GALNT16: variants seen among roughly 807,000 people sequenced by gnomAD.
GALNT16 encodes the protein polypeptide N-acetylgalactosaminyltransferase 16.
GALNT16 carries 40 observed loss-of-function variants against 76.1 expected under a neutral mutation model. That is an observed-to-expected ratio of 0.53 (90% CI 0.41 to 0.68). The LOEUF is 0.68. GALNT16 is among the 30% of genes least tolerant of loss of function. GALNT16 has a pLI of 0.00. For missense variants in GALNT16, 621 were observed against 731.9 expected (o/e 0.85, Z 1.75); for synonymous variants, 276 against 285.2 (o/e 0.97, Z 0.32).
intron 1 of GALNT16, among the ~76,000 whole-genome samples, chr14:69,264,575 G>T (rs1484926848): frequency 6.6e-6 from 1 of 152,076 alleles, no homozygotes; most frequent in Non-Finnish European, 1.5e-5. Flanking sequence ...GAGAGCGGAT[G>T]CTTTAATAAG....
the GALNT16 span, among the ~76,000 whole-genome samples, chr14:69,377,265 T>C: frequency 6.6e-6 from 1 of 152,210 alleles, no homozygotes; most frequent in Non-Finnish European, 1.5e-5. Context: ...CCCTTCAAGG[T>C]CTTTGAGGTT....
chr14:69,347,304 C>CAGGGTCT, intron 13 of GALNT16, 123 bp downstream of exon 13: 3 of 1,017,510 alleles, frequency 2.9e-6, no homozygotes, highest in Non-Finnish European at 4.2e-6. Flanking sequence ...CCCACTTTGC[C>CAGGGTCT]AGGGGCCCCT....
intron 1 of GALNT16, among the ~76,000 whole-genome samples, chr14:69,314,859 G>A (rs1315013070): frequency 6.6e-6 from 1 of 152,178 alleles, no homozygotes; most frequent in Non-Finnish European, 1.5e-5. Flanking sequence ...CCATAAAATA[G>A]GGCCAGAGCC....
chr14:69,269,598 A>ATGTATGTGTGTTATATGTTG (rs1243431048), intron 1 of GALNT16, among the ~76,000 whole-genome samples: 1 of 118,886 alleles, frequency 8.4e-6, no homozygotes, highest in Non-Finnish European at 1.7e-5. Context: ...TGGGGTTTGT[A>ATGTATGTGTGTTATATGTTG]TGTATGTGTG....
At chr14:69,372,921 T>C in the GALNT16 span, among the ~76,000 whole-genome samples, 2 of 152,158 alleles carry the variant, frequency 1.3e-5, no homozygotes, top group African/African-American at 2.4e-5. Flanking sequence ...CAACCTCCCA[T>C]TGGGATTTGC....
chr14:69,326,047 G>C lies in GALNT16; in HGVS notation c.568+20G>C, dbSNP rs1566881501. Reference sequence around the variant, plus strand: ...GGGAAGGTGAGTCCTTGCACCCTGGGTCCCACCAAGGGCCCATCTTGGTGT... The same window carrying C: ...GGGAAGGTGAGTCCTTGCACCCTGGCTCCCACCAAGGGCCCATCTTGGTGT... On this transcript the variant is annotated intron_variant, in intron 5 of 14. Coordinates refer to ENST00000448469, the MANE Select transcript of GALNT16 (RefSeq NM_001168368.2). 1 of 1,600,228 alleles carries C rather than the reference G, an allele frequency of 6.2e-7. No homozygotes were observed.
intron 1 of GALNT16, among the ~76,000 whole-genome samples, chr14:69,266,025 G>A (rs1448421512): frequency 1.3e-5 from 2 of 152,110 alleles, no homozygotes; most frequent in Admixed American, 6.5e-5. Context: ...GTTCTCATAC[G>A]AGTAAACACG....
the GALNT16 span, among the ~76,000 whole-genome samples, chr14:69,369,326 A>T: frequency 6.6e-6 from 1 of 152,248 alleles, no homozygotes; most frequent in South Asian, 2.1e-4. Context: ...GGAAATGAAT[A>T]ATTAAATAAA....
At position 69,347,082 on chromosome 14, in the gene GALNT16, G is replaced by A. The variant is rs1566890185; in HGVS notation, c.1314G>A (p.Gly438=). The stretch of plus-strand genomic sequence containing the variant: ...CACTCCCCGGCATCATTAAGCAGGG[G>A]GTGAACTGCTTAGAATCTCAGGGCC... ...KEALPGIIKQ[G]VNCLESQGQN... Residue 438 remains glycine (G), a synonymous_variant, in exon 13 of 15, where the codon GGG becomes GGA. Coordinates refer to ENST00000448469, the MANE Select transcript of GALNT16 (RefSeq NM_001168368.2). 1 of 1,613,768 alleles carries A rather than the reference G, an allele frequency of 6.2e-7. No homozygotes were observed. Among genetic ancestry groups the A allele is most frequent in the Non-Finnish European group, 8.5e-7 (1 of 1,179,686 alleles).
intron 12 of GALNT16, among the ~76,000 whole-genome samples, chr14:69,343,154 A>G (rs1372341145): frequency 6.6e-6 from 1 of 152,198 alleles, no homozygotes; most frequent in African/African-American, 2.4e-5. Flanking sequence ...TGCGCCCTCT[A>G]TAGCTGTCAC....
rs146058164 is a variant in GALNT16, at chr14:69,261,065, G to C, written c.177+598G>C. 2.0e-5 allele frequency among the ~76,000 whole-genome samples: 3 copies of C among 152,210 alleles called. No individual in the cohort carries two copies. Among genetic ancestry groups the C allele is most frequent in the Non-Finnish European group, 2.9e-5 (2 of 68,028 alleles). The stretch of plus-strand genomic sequence containing the variant: ...GTTCTCTGGGTTGAGGAGAGGTCTC[G>C]CACTGTACGCGTCTCTCACTCCCAA... On this transcript the variant is annotated intron_variant, in intron 1 of 14. Transcript: ENST00000448469. The surrounding 1 kb of genome is among the most constrained non-coding windows in gnomAD (Gnocchi z 6.4).
At chr14:69,307,728 T>C (rs1006671496) in intron 1 of GALNT16, among the ~76,000 whole-genome samples, 13 of 152,184 alleles carry the variant, frequency 8.5e-5, no homozygotes, top group African/African-American at 3.1e-4. Flanking sequence ...AGTTAAGCAC[T>C]CACATCAGGA....
chr14:69,300,583 G>C (rs1023394888), intron 1 of GALNT16, among the ~76,000 whole-genome samples: 1 of 152,210 alleles, frequency 6.6e-6, no homozygotes, highest in Non-Finnish European at 1.5e-5. Flanking sequence ...GTCATCTGCA[G>C]AATCTTCCAT....
In GALNT16 at chr14:69,331,561, G is replaced by A. The variant is rs1364486274; in HGVS notation, c.778+10G>A. 3.9e-6 allele frequency: 6 copies of A among 1,525,906 alleles called. No homozygotes were observed. Among genetic ancestry groups the A allele is most frequent in the Non-Finnish European group, 4.5e-6 (5 of 1,099,612 alleles). The allele number at this position is 1,525,906 out of a possible 1,614,324, so 94.5% of individuals were successfully genotyped here. On this transcript the variant is annotated intron_variant, in intron 7 of 14. Transcript: ENST00000448469. Reference sequence around the variant, plus strand: ...GCTGACCTTCGTGGAGGTGAGTTCTGCTCCCGGGGGTGGGGCTGTAGACAT... The same window carrying A: ...GCTGACCTTCGTGGAGGTGAGTTCTACTCCCGGGGGTGGGGCTGTAGACAT...
intron 1 of GALNT16, among the ~76,000 whole-genome samples, chr14:69,279,485 G>A (rs186993184): frequency 4.3e-4 from 66 of 152,248 alleles, no homozygotes; most frequent in African/African-American, 1.4e-3. Context: ...TTCAATAAAT[G>A]TTATGTAGAT....
intron 1 of GALNT16, among the ~76,000 whole-genome samples, chr14:69,291,545 T>A (rs867402): frequency 0.16 from 24,347 of 152,056 alleles, 2,824 homozygotes; most frequent in East Asian, 0.49. Flanking sequence ...GGCACCTTCT[T>A]CCACAGACAT....
At chr14:69,273,504 T>C (rs1330498189) in intron 1 of GALNT16, among the ~76,000 whole-genome samples, 1 of 152,202 alleles carries the variant, frequency 6.6e-6, no homozygotes, top group Non-Finnish European at 1.5e-5. Flanking sequence ...AAAGGGACCC[T>C]AGGACATGCA....
At chr14:69,331,012 A>T (rs1323509140) in intron 6 of GALNT16, among the ~76,000 whole-genome samples, 1 of 152,192 alleles carries the variant, frequency 6.6e-6, no homozygotes, top group Non-Finnish European at 1.5e-5. Flanking sequence ...GAAGACTCAA[A>T]CAACTATAAT....
At chr14:69,265,096 G>T (rs1177582210) in intron 1 of GALNT16, among the ~76,000 whole-genome samples, 1 of 152,096 alleles carries the variant, frequency 6.6e-6, no homozygotes, top group East Asian at 1.9e-4. Flanking sequence ...GATTACAGGC[G>T]TGAGCCACTG....
Sources: allele counts gnomAD v4.1 joint callset (sites outside exome capture counted in the v4.1 genomes callset), GRCh38; gene constraint gnomAD v4.1.1; non-coding constraint Gnocchi (gnomAD v3.1); transcripts MANE v1.5; gene names NCBI Gene and HGNC (gene_info 2026-07-23, HGNC 2026-07-21).